CFAP54: variants seen among roughly 807,000 people sequenced by gnomAD.
The protein encoded by CFAP54 is cilia- and flagella-associated protein 54.
CFAP54 carries 290 observed loss-of-function variants against 370.4 expected under a neutral mutation model. That is an observed-to-expected ratio of 0.78 (90% CI 0.71 to 0.86). The LOEUF (loss-of-function observed/expected upper bound fraction) is 0.86. Ranked by LOEUF, CFAP54 falls within the 40% of genes least tolerant of loss-of-function variation. CFAP54 has a pLI of 0.00. For synonymous variants in CFAP54, 1,206 were observed against 1,236.5 expected, an observed-to-expected ratio of 0.98 and a Z score of 0.52; for missense variants, 3,399 against 3,528.7, an observed-to-expected ratio of 0.96 and a Z score of 0.93.
At chr12:96,836,188 G>T (rs1401078895) in intron 66 of CFAP54, among the ~76,000 whole-genome samples, 2 of 152,316 alleles carry the variant, frequency 1.3e-5, no homozygotes, top group Middle Eastern at 6.8e-3. Context: ...AAGTTATTCA[G>T]TGAACTAAAG....
chr12:96,651,864 G>C (rs74369572), intron 36 of CFAP54, 49 bp downstream of exon 36: 265 of 1,179,448 alleles, frequency 2.2e-4, no homozygotes, highest in Non-Finnish European at 2.9e-4. Context: ...TAAAAATATC[G>C]TACTGTGCAT....
rs1380311645 is a variant in CFAP54, at chr12:96,825,444, TTATATTATATATAATATAA to T, written c.9097-3556_9097-3538del. Among the ~76,000 whole-genome samples, 379 of 118,110 alleles carry T rather than the reference TTATATTATATATAATATAA, an allele frequency of 3.2e-3. 2 individuals are homozygous for T. Among genetic ancestry groups the T allele is most frequent in the African/African-American group, 0.012 (360 of 28,938 alleles). 77.5% of individuals were successfully genotyped at this position (118,110 alleles called of 152,430 possible). A position where few individuals can be genotyped will look rare whatever the true frequency, so the allele number is the denominator to read the frequency against. On this transcript the variant is annotated intron_variant, in intron 65 of 67. Coordinates refer to ENST00000524981, the MANE Select transcript of CFAP54 (RefSeq NM_001306084.2). The stretch of plus-strand genomic sequence containing the variant: ...CATGTTATATTATATATAATATATG[TTATATTATATATAATATAA>T]TATATTATATATATTATATAACATA...
chr12:96,635,560 G>A (rs1021179812), intron 32 of CFAP54, among the ~76,000 whole-genome samples: 7 of 152,174 alleles, frequency 4.6e-5, no homozygotes, highest in African/African-American at 1.7e-4. Flanking sequence ...AGTACAAAAA[G>A]ACAATTAAAT....
At chr12:96,857,424 A>G (rs900931948) in intron 66 of CFAP54, among the ~76,000 whole-genome samples, 1 of 149,900 alleles carries the variant, frequency 6.7e-6, no homozygotes, top group Non-Finnish European at 1.5e-5. Flanking sequence ...TTTGCTGAGG[A>G]TAATAGCCTC....
intron 50 of CFAP54, among the ~76,000 whole-genome samples, chr12:96,721,015 G>A (rs1957745915): frequency 6.7e-6 from 1 of 148,576 alleles, no homozygotes; most frequent in Non-Finnish European, 1.5e-5. Flanking sequence ...GCAAGACTCT[G>A]TCTCAAAAAA....
chr12:96,744,668 C>CA (rs538569865), intron 55 of CFAP54, among the ~76,000 whole-genome samples: 3 of 151,960 alleles, frequency 2.0e-5, no homozygotes, highest in Non-Finnish European at 4.4e-5. Flanking sequence ...TGCCTGTGAA[C>CA]AAAAAAATAG....
At chr12:96,772,856 T>C (rs543139716) in intron 60 of CFAP54, among the ~76,000 whole-genome samples, 1 of 152,234 alleles carries the variant, frequency 6.6e-6, no homozygotes, top group East Asian at 1.9e-4. Context: ...CTGACCCACA[T>C]GCCTCAGCTT....
At chr12:96,794,543 T>TA (rs1348648639) in intron 63 of CFAP54, among the ~76,000 whole-genome samples, 4 of 152,072 alleles carry the variant, frequency 2.6e-5, no homozygotes. Flanking sequence ...AGACTTTCCA[T>TA]TGTATTTTGC....
chr12:96,872,183 A>G (rs577053404), intron 67 of CFAP54, among the ~76,000 whole-genome samples: 10 of 152,316 alleles, frequency 6.6e-5, no homozygotes, highest in African/African-American at 1.9e-4. Context: ...AAAATCAACC[A>G]GAAGAAAAAA....
rs56098924 is a variant in CFAP54, at chr12:96,561,704, T to TACAC, written c.2411-2724_2411-2721dup. Reference sequence around the variant, plus strand: ...CCTTTTAGTAGATAGAGCTAAGAAATACACACACACACACACACACACACA... The same window carrying TACAC: ...CCTTTTAGTAGATAGAGCTAAGAAATACACACACACACACACACACACACACACA... On this transcript the variant is annotated intron_variant, in intron 17 of 67. Coordinates refer to ENST00000524981, the MANE Select transcript of CFAP54 (RefSeq NM_001306084.2). Among the ~76,000 whole-genome samples the TACAC allele has an allele frequency of 5.7e-3, 715 of 125,358 alleles. 6 individuals carry two copies. The highest frequency in any genetic ancestry group is 0.018 in the African/African-American group (614 of 33,314). 82.2% of individuals were successfully genotyped at this position (125,358 alleles called of 152,430 possible).
intron 6 of CFAP54, 135 bp downstream of exon 6, chr12:96,519,206 C>A: frequency 6.1e-6 from 5 of 821,574 alleles, no homozygotes; most frequent in Non-Finnish European, 8.8e-6. Context: ...TCAAGCGATT[C>A]TCCTGCCTCA....
chr12:96,514,487 ATGCT>A (rs1411038115), intron 5 of CFAP54, among the ~76,000 whole-genome samples: 1 of 152,222 alleles, frequency 6.6e-6, no homozygotes, highest in Non-Finnish European at 1.5e-5. Flanking sequence ...TACTGCAATG[ATGCT>A]ACATTCAGTT....
chr12:96,767,251 C>T (rs768873962), intron 60 of CFAP54, among the ~76,000 whole-genome samples: 12 of 152,142 alleles, frequency 7.9e-5, no homozygotes, highest in Non-Finnish European at 1.5e-4. Context: ...TGAGAAGAAC[C>T]TCTGTATGAT....
intron 26 of CFAP54, among the ~76,000 whole-genome samples, chr12:96,611,604 G>A (rs560720459): frequency 6.6e-6 from 1 of 152,306 alleles, no homozygotes; most frequent in South Asian, 2.1e-4. Context: ...AAGGGAGGAA[G>A]TTAAAACCCA....
chr12:96,596,114 A>C (rs573645970), intron 25 of CFAP54, among the ~76,000 whole-genome samples: 16 of 152,310 alleles, frequency 1.1e-4, no homozygotes, highest in Middle Eastern at 3.4e-3. Flanking sequence ...CTTGAAATGC[A>C]TACTTTCATC....
intron 50 of CFAP54, among the ~76,000 whole-genome samples, chr12:96,737,395 TGG>T (rs1269768205): frequency 6.6e-6 from 1 of 151,356 alleles, no homozygotes; most frequent in Non-Finnish European, 1.5e-5. Flanking sequence ...AAAAAGATTG[TGG>T]GGAAAAAAAG....
intron 66 of CFAP54, among the ~76,000 whole-genome samples, chr12:96,835,674 G>A (rs1023494495): frequency 2.0e-5 from 3 of 152,208 alleles, no homozygotes; most frequent in Non-Finnish European, 4.4e-5. Flanking sequence ...GGATACCTGA[G>A]TTTACAGCTG....
intron 63 of CFAP54, among the ~76,000 whole-genome samples, chr12:96,806,213 T>TATATATATATATATAA (rs1392329026): frequency 1.4e-4 from 7 of 49,676 alleles, no homozygotes; most frequent in Non-Finnish European, 2.6e-4. Flanking sequence ...TATATATATA[T>TATATATATATATATAA]AATAACAACA....
At chr12:96,605,888 A>G (rs1956294516) in intron 26 of CFAP54, among the ~76,000 whole-genome samples, 1 of 152,196 alleles carries the variant, frequency 6.6e-6, no homozygotes, top group Admixed American at 6.5e-5. Flanking sequence ...ACAAACTCAA[A>G]TGCCTACTGA....
Sources: allele counts gnomAD v4.1 joint callset (sites outside exome capture counted in the v4.1 genomes callset), GRCh38; gene constraint gnomAD v4.1.1; transcripts MANE v1.5; gene names NCBI Gene and HGNC (gene_info 2026-07-23, HGNC 2026-07-21).